Variants in LRRFIP2 observed in about 807,000 individuals in gnomAD.
LRRFIP2 encodes the protein leucine-rich repeat flightless-interacting protein 2.
Under a neutral mutation model 125.9 loss-of-function variants are expected in LRRFIP2, and 109 were observed. The ratio of observed to expected loss-of-function variants is 0.87; its 90% CI spans 0.74 to 1.01. The LOEUF (loss-of-function observed/expected upper bound fraction) is 1.01. Ranked by LOEUF, LRRFIP2 falls within the 50% of genes least tolerant of loss-of-function variation. The pLI is 0.00. For missense variants in LRRFIP2, 850 were observed against 862.3 expected, an observed-to-expected ratio of 0.99 and a Z score of 0.18; for synonymous variants, 291 against 293.1, an observed-to-expected ratio of 0.99 and a Z score of 0.07.
chr3:37,054,581 G>A, intron 26 of LRRFIP2, 66 bp from the exon 27 acceptor site: 2 of 1,032,762 alleles, frequency 1.9e-6, no homozygotes, highest in Non-Finnish European at 3.0e-6. Context: ...TGGTAGCCAG[G>A]ATGGAAATAC....
chr3:37,056,061 G>T (rs1314146657), intron 25 of LRRFIP2, among the ~76,000 whole-genome samples: 1 of 152,116 alleles, frequency 6.6e-6, no homozygotes, highest in Admixed American at 6.5e-5. Context: ...CAAGAAGAGG[G>T]GCCCTGTCTT....
intron 2 of LRRFIP2, chr3:37,134,514 G>T: frequency 2.8e-6 from 1 of 359,450 alleles, no homozygotes; most frequent in South Asian, 2.4e-5. Flanking sequence ...CATGAGAGTC[G>T]TCTCCACAAT....
chr3:37,077,565 G>T (rs1382812350), intron 19 of LRRFIP2, among the ~76,000 whole-genome samples: 1 of 152,008 alleles, frequency 6.6e-6, no homozygotes, highest in African/African-American at 2.4e-5. Flanking sequence ...AACATGGAAA[G>T]ATAAACCATT....
At chr3:37,104,062 C>T (rs1284996791) in intron 14 of LRRFIP2, among the ~76,000 whole-genome samples, 1 of 151,818 alleles carries the variant, frequency 6.6e-6, no homozygotes, top group East Asian at 1.9e-4. Context: ...ATAAAACAGG[C>T]TTACAAGTAT....
chr3:37,098,998 G>C (rs1208136719), intron 15 of LRRFIP2, among the ~76,000 whole-genome samples: 1 of 152,122 alleles, frequency 6.6e-6, no homozygotes, highest in Admixed American at 6.5e-5. Flanking sequence ...ACTGTCCATG[G>C]AATAATCTTA....
At chr3:37,161,038 C>G (rs1452227703) in intron 1 of LRRFIP2, among the ~76,000 whole-genome samples, 2 of 151,920 alleles carry the variant, frequency 1.3e-5, no homozygotes, top group African/African-American at 2.4e-5. Flanking sequence ...GGAATATTAC[C>G]TAGCCATAAA....
Position 37,156,673 on chromosome 3 carries a change from C to CAAA in LRRFIP2, c.-55-7638_-55-7636dup, listed in dbSNP as rs59647339. ...TGGGCGACAGAGCGAGACTCAGTAT[C>CAAA]AAAAAAAAAAAAAAAAAAAAAAAAA... On this transcript the variant is annotated intron_variant, in intron 1 of 27. Transcript: ENST00000336686. 5.9e-3 allele frequency among the ~76,000 whole-genome samples: 181 copies of CAAA among 30,610 alleles called. 20 individuals are homozygous for CAAA. The highest frequency in any genetic ancestry group is 0.022 in the East Asian group (12 of 536). The allele number at this position is 30,610 out of a possible 152,430, so 20.1% of individuals were successfully genotyped here.
intron 1 of LRRFIP2, among the ~76,000 whole-genome samples, chr3:37,149,483 C>G (rs1414958424): frequency 6.6e-6 from 1 of 151,960 alleles, no homozygotes; most frequent in Non-Finnish European, 1.5e-5. Flanking sequence ...CGCCACAGCA[C>G]TCCAGCTTGG....
chr3:37,097,714 T>G (rs2093796776), intron 15 of LRRFIP2, among the ~76,000 whole-genome samples: 1 of 152,130 alleles, frequency 6.6e-6, no homozygotes, highest in African/African-American at 2.4e-5. Flanking sequence ...AGAAGGGAGG[T>G]ACCTTAAAAG....
At position 37,103,044 on chromosome 3, in the gene LRRFIP2, C is replaced by A. The variant is rs2302507; in HGVS notation, c.784-31G>T. The A allele has an allele frequency of 0.46, 686,246 of 1,494,896 alleles. 162,642 individuals carry two copies. The highest frequency in any genetic ancestry group is 0.49 in the Non-Finnish European group (541,965 of 1,106,760). 92.6% of individuals were successfully genotyped at this position (1,494,896 alleles called of 1,614,324 possible). A position where few individuals can be genotyped will look rare whatever the true frequency, so the allele number is the denominator to read the frequency against. Reference sequence around the variant, plus strand: ...GGTCAGAAAAAAAACAAGATGCTTTCAAGGTTAAGAAAAAAGAAAGAAAAA... The same window carrying A: ...GGTCAGAAAAAAAACAAGATGCTTTAAAGGTTAAGAAAAAAGAAAGAAAAA... On this transcript the variant is annotated intron_variant, in intron 14 of 27. Transcript: ENST00000336686.
chr3:37,064,821 C>CAAA (rs1194340281), intron 23 of LRRFIP2: 2 of 152,136 alleles, frequency 1.3e-5, no homozygotes, highest in African/African-American at 2.4e-5. Flanking sequence ...GTTTCTTCTG[C>CAAA]ACCTTCCAAG....
intron 1 of LRRFIP2, among the ~76,000 whole-genome samples, chr3:37,157,234 A>G (rs1323572032): frequency 6.6e-6 from 1 of 152,036 alleles, no homozygotes; most frequent in Non-Finnish European, 1.5e-5. Context: ...CTTGAGCCCA[A>G]GGGTTCAAGA....
intron 1 of LRRFIP2, chr3:37,170,383 C>G (rs1163051374): frequency 6.6e-6 from 1 of 152,170 alleles, no homozygotes. Flanking sequence ...ACTTTAAACC[C>G]AAGTGTTTCA....
Position 37,055,273 on chromosome 3 carries a change from C to T in LRRFIP2, c.1871-108G>A, listed in dbSNP as rs1036943524. The T allele has an allele frequency of 1.8e-5, 12 of 655,584 alleles. No individual in the cohort carries two copies. The African/African-American group carries it at 2.1e-4, about 11-fold the overall frequency. The allele number at this position is 655,584 out of a possible 1,614,324, so 40.6% of individuals were successfully genotyped here. ...AGAGGACCATGCAGTCTTAAGATTA[C>T]AAAATACAGGGCTGGGCGCGGTGAC... On this transcript the variant is annotated intron_variant, in intron 25 of 27. Transcript: ENST00000336686.
Position 37,108,074 on chromosome 3 carries a change from C to T in LRRFIP2, c.713G>A (p.Gly238Glu), listed in dbSNP as rs759645244. 1 of 1,613,776 alleles carries T rather than the reference C, an allele frequency of 6.2e-7. No individual in the cohort carries two copies. Among genetic ancestry groups the T allele is most frequent in the South Asian group, 1.1e-5 (1 of 91,076 alleles). Reference protein sequence around the residue: ...SRISSARSSPGFTNDDTASIV... With the variant: ...SRISSARSSPEFTNDDTASIV... ...GCATGCAGAGACTAGACAGCTCACC[C>T]CTGGACTGCTTCGGGCTGAACTTAT... The change falls in exon 13 of 28, where the codon GGG becomes GAG. Residue 238 changes from glycine to glutamate, a missense_variant and splice_region_variant. Transcript: ENST00000336686.
intron 16 of LRRFIP2, 93 bp downstream of exon 16, chr3:37,096,523 T>A: frequency 1.3e-6 from 1 of 792,712 alleles, no homozygotes; most frequent in Non-Finnish European, 2.1e-6. Context: ...AGCAGCTACA[T>A]CAGACCAATT....
chr3:37,122,241 A>G (rs1015095156), intron 4 of LRRFIP2, among the ~76,000 whole-genome samples: 2 of 152,038 alleles, frequency 1.3e-5, no homozygotes, highest in African/African-American at 2.4e-5. Context: ...TACAAAGGAC[A>G]TGAACTCATC....
In LRRFIP2 at chr3:37,121,437, T is replaced by C. The variant is rs3733031; in HGVS notation, c.330+55A>G. On this transcript the variant is annotated intron_variant, in intron 6 of 27. Coordinates refer to ENST00000336686, the MANE Select transcript of LRRFIP2 (RefSeq NM_006309.4). ...TTGTCAGATTGTTTAGGCAACATTA[T>C]TGAAGAAAGCTCACACGTAAGCTTT... 3,706 of 1,511,848 alleles carry C rather than the reference T, an allele frequency of 2.5e-3. 54 individuals carry two copies. The highest frequency in any genetic ancestry group is 0.017 in the East Asian group (744 of 44,236). 93.7% of individuals were successfully genotyped at this position (1,511,848 alleles called of 1,614,324 possible).
At chr3:37,100,130 T>C (rs1400400462) in intron 15 of LRRFIP2, among the ~76,000 whole-genome samples, 2 of 152,004 alleles carry the variant, frequency 1.3e-5, no homozygotes, top group Non-Finnish European at 1.5e-5. Context: ...GAAAATACTG[T>C]AGGCTTTTCC....
Sources: allele counts gnomAD v4.1 joint callset (sites outside exome capture counted in the v4.1 genomes callset), GRCh38; gene constraint gnomAD v4.1.1; transcripts MANE v1.5; gene names NCBI Gene and HGNC (gene_info 2026-07-23, HGNC 2026-07-21).